KMT2C: variants seen among roughly 807,000 people sequenced by gnomAD.
KMT2C encodes the protein lysine methyltransferase 2C.
A neutral mutation model predicts 507.9 loss-of-function variants in KMT2C; 88 were observed. The ratio of observed to expected loss-of-function variants is 0.17; its 90% CI spans 0.15 to 0.21. The LOEUF (loss-of-function observed/expected upper bound fraction) is 0.21, where lower values mean the gene tolerates loss of function less well. Ranked by LOEUF, KMT2C falls within the 10% of genes least tolerant of loss-of-function variation. The pLI, the probability that KMT2C is intolerant of heterozygous loss-of-function variation, is 1.00. For synonymous variants in KMT2C, 2,049 were observed against 2,080.8 expected (o/e 0.98, Z 0.42); for missense variants, 4,954 against 5,957.8 (o/e 0.83, Z 5.55).
chr7:152,238,051 A>G (rs1245869738), intron 15 of KMT2C, among the ~76,000 whole-genome samples: 3 of 152,294 alleles, frequency 2.0e-5, no homozygotes, highest in African/African-American at 7.2e-5. Context: ...GTCATGAAAG[A>G]AAATAAAGTA....
intron 4 of KMT2C, among the ~76,000 whole-genome samples, chr7:152,314,463 A>G (rs147057019): frequency 1.5e-4 from 23 of 152,078 alleles, no homozygotes; most frequent in Non-Finnish European, 3.4e-4. Context: ...ATTTTAAACT[A>G]TATCAGACAA....
intron 6 of KMT2C, among the ~76,000 whole-genome samples, chr7:152,299,160 A>C (rs2129191868): frequency 6.6e-6 from 1 of 152,064 alleles, no homozygotes; most frequent in East Asian, 1.9e-4. Context: ...TCTACTAAAA[A>C]TACAAAAATT....
In KMT2C at chr7:152,238,745, T is replaced by A. The variant is rs746453043; in HGVS notation, c.2614A>T (p.Arg872Trp). 1 of 1,610,730 alleles carries A rather than the reference T, an allele frequency of 6.2e-7. No individual in the cohort carries two copies. Among genetic ancestry groups the A allele is most frequent in the Non-Finnish European group, 8.5e-7 (1 of 1,179,412 alleles). ...CAAATGGCACTGCCAGGAAGCTGCC[T>A]GGGTTTAAAAATTTCCCGACCTTCT... ...ISEGREIFKP[R>W]QLPGSAIWSI... Residue 872 changes from arginine (R) to tryptophan (W), a missense_variant, in exon 15 of 59, where the codon AGG becomes TGG. Physicochemically the swap from Arg to Trp is moderately radical, Grantham distance 101. Coordinates refer to ENST00000262189, the MANE Select transcript of KMT2C (RefSeq NM_170606.3).
rs1043850596 is a variant in KMT2C at position 152,321,760 on chromosome 7, A to C, written c.390-6422T>G. Reference sequence around the variant, plus strand: ...TGAAAACCATAAAACTCACAAAAGAAATTTAAGAAAACATCAAGAAATGGG... The same window carrying C: ...TGAAAACCATAAAACTCACAAAAGACATTTAAGAAAACATCAAGAAATGGG... On this transcript the variant is annotated intron_variant, in intron 3 of 58. Transcript: ENST00000262189. 9.9e-5 allele frequency among the ~76,000 whole-genome samples: 15 copies of C among 152,116 alleles called. 1 individual carries two copies. The highest frequency in any genetic ancestry group is 2.2e-4 in the Non-Finnish European group (15 of 67,974).
chr7:152,358,365 T>C (rs1563978165), intron 2 of KMT2C, among the ~76,000 whole-genome samples: 1 of 152,170 alleles, frequency 6.6e-6, no homozygotes, highest in South Asian at 2.1e-4. Flanking sequence ...TCTTCAGATA[T>C]AAAATAATTA....
intron 1 of KMT2C, among the ~76,000 whole-genome samples, chr7:152,397,220 G>T (rs1211769199): frequency 2.0e-5 from 3 of 150,000 alleles, no homozygotes; most frequent in South Asian, 2.1e-4. Flanking sequence ...TTTTTAGATG[G>T]AGTCTCACTC....
Position 152,177,473 on chromosome 7 carries a change from A to C in KMT2C, c.7980T>G (p.Ala2660=). Residue 2660 remains alanine (A), a synonymous_variant, in exon 38 of 59, where the codon GCT becomes GCG. Transcript: ENST00000262189. ...NHPLGGEFSE[A]PLSTSVPSET... is the part of the protein sequence containing the mutation. ...CAGACGGTACAGATGTTGACAAAGG[A>C]GCTTCTGAAAATTCACCACCTAGTG... The C allele has an allele frequency of 6.2e-7, 1 of 1,614,192 alleles. No homozygotes were observed.
intron 37 of KMT2C, 56 bp from the exon 38 acceptor site, chr7:152,178,066 TAG>T (rs1229237473): frequency 1.5e-6 from 2 of 1,325,474 alleles, no homozygotes; most frequent in East Asian, 2.9e-5. Flanking sequence ...ATGTTAAATT[TAG>T]AGTTAAGTTG....
intron 9 of KMT2C, among the ~76,000 whole-genome samples, chr7:152,257,598 A>G (rs1486984798): frequency 6.6e-6 from 1 of 152,352 alleles, no homozygotes; most frequent in African/African-American, 2.4e-5. Flanking sequence ...ATGTTGCTAC[A>G]ACCCAGAATT....
intron 46 of KMT2C, among the ~76,000 whole-genome samples, chr7:152,155,187 G>A (rs1485360436): frequency 6.6e-6 from 1 of 152,122 alleles, no homozygotes; most frequent in African/African-American, 2.4e-5. Flanking sequence ...GCCTACTGAG[G>A]TACAGTAGAA....
chr7:152,255,137 A>ATATATATATATATG (rs1563606964), intron 9 of KMT2C, among the ~76,000 whole-genome samples: 3 of 127,692 alleles, frequency 2.3e-5, no homozygotes, highest in African/African-American at 9.5e-5. Context: ...ATATATATAT[A>ATATATATATATATG]TATATATACA....
intron 1 of KMT2C, among the ~76,000 whole-genome samples, chr7:152,380,713 A>G (rs1350535215): frequency 6.6e-6 from 1 of 152,262 alleles, no homozygotes; most frequent in African/African-American, 2.4e-5. Context: ...ACTCCTGCCT[A>G]AGTAACAGAA....
chr7:152,138,225 C>T lies in KMT2C; in HGVS notation c.14643+571G>A, dbSNP rs2090106681. 1 of 152,574 alleles carries T rather than the reference C, an allele frequency of 6.6e-6. No homozygotes were observed. The highest frequency in any genetic ancestry group is 1.5e-5 in the Non-Finnish European group (1 of 68,296). 9.5% of individuals were successfully genotyped at this position (152,574 alleles called of 1,614,324 possible). A position where few individuals can be genotyped will look rare whatever the true frequency, so the allele number is the denominator to read the frequency against. Reference sequence around the variant, plus strand: ...GTGAGCCGCCGGACCAGAGTCACCTCTGAGAGCACGGAGACAAACAGCAAG... The same window carrying T: ...GTGAGCCGCCGGACCAGAGTCACCTTTGAGAGCACGGAGACAAACAGCAAG... On this transcript the variant is annotated intron_variant, in intron 58 of 58. Coordinates refer to ENST00000262189, the MANE Select transcript of KMT2C (RefSeq NM_170606.3). This position sits in a 1 kb window ranked among gnomAD's most constrained non-coding sequence, Gnocchi z 4.2.
Position 152,179,797 on chromosome 7 carries a change from T to C in KMT2C, c.7442+37A>G, listed in dbSNP as rs774626330. Reference sequence around the variant, plus strand: ...ACCCAGCTCTGTTTCCCTCTTCTAATAGCAATTTAAATTCGGCAGGAAATT... The same window carrying C: ...ACCCAGCTCTGTTTCCCTCTTCTAACAGCAATTTAAATTCGGCAGGAAATT... On this transcript the variant is annotated intron_variant, in intron 37 of 58. Coordinates refer to ENST00000262189, the MANE Select transcript of KMT2C (RefSeq NM_170606.3). 7 of 1,588,768 alleles carry C rather than the reference T, an allele frequency of 4.4e-6. No individual in the cohort carries two copies. The Admixed American group carries it at 6.8e-5, about 15-fold the overall frequency.
intron 1 of KMT2C, among the ~76,000 whole-genome samples, chr7:152,369,294 G>C (rs1247266654): frequency 6.6e-6 from 1 of 151,344 alleles, no homozygotes; most frequent in Non-Finnish European, 1.5e-5. Flanking sequence ...CCACACTCCA[G>C]CCTGGGCAAC....
intron 33 of KMT2C, among the ~76,000 whole-genome samples, chr7:152,186,251 T>G (rs2093624414): frequency 6.6e-6 from 1 of 152,202 alleles, no homozygotes; most frequent in Non-Finnish European, 1.5e-5. Context: ...CCAACAGCTT[T>G]AACACAGTAT....
chr7:152,410,726 G>C (rs910896455), intron 1 of KMT2C, among the ~76,000 whole-genome samples: 103 of 143,738 alleles, frequency 7.2e-4, no homozygotes, highest in African/African-American at 1.2e-3. Flanking sequence ...GCCGGGCCCA[G>C]TGACTCACGC....
rs2090944368 is a variant in KMT2C, at chr7:152,144,863, G to A, written c.14193C>T (p.Ser4731=). The change falls in exon 55 of 59, where the codon AGC becomes AGT. Residue 4731 remains serine, a synonymous_variant. Coordinates refer to ENST00000262189, the MANE Select transcript of KMT2C (RefSeq NM_170606.3). The surrounding 1 kb of genome is among the most constrained non-coding windows in gnomAD (Gnocchi z 4.4). ...TCTGAAATGACTTTGAGGTGCTGGT[G>A]CTGTTTAAGGTGTGAGGCCTGCAGA... ...RFVLRPHTLN[S]TSTSKSFQST... 4 of 1,613,386 alleles carry A rather than the reference G, an allele frequency of 2.5e-6. No homozygotes were observed. The highest frequency in any genetic ancestry group is 3.4e-6 in the Non-Finnish European group (4 of 1,179,458).
intron 36 of KMT2C, among the ~76,000 whole-genome samples, chr7:152,180,468 T>A (rs1218172062): frequency 1.3e-5 from 2 of 152,186 alleles, no homozygotes; most frequent in African/African-American, 2.4e-5. Context: ...CAGACAACTA[T>A]CACAAAACAA....
Sources: gnomAD v4.1 joint callset for allele counts (sites outside exome capture counted in the v4.1 genomes callset) on GRCh38, gnomAD v4.1.1 for gene constraint, Gnocchi (gnomAD v3.1) non-coding constraint, MANE v1.5 for transcripts, NCBI Gene and HGNC (gene_info 2026-07-23, HGNC 2026-07-21) for gene names.